Variants in NRG1 observed in about 807,000 individuals in gnomAD.
NRG1 encodes pro-neuregulin-1, membrane-bound isoform.
In NRG1, 18 loss-of-function variants were observed where a neutral mutation model predicts 63.8. That is an observed-to-expected ratio of 0.28 (90% CI 0.19 to 0.42). The LOEUF is 0.42. NRG1 is among the 10% of genes least tolerant of loss of function. NRG1 has a pLI of 1.00. For synonymous variants in NRG1, 302 were observed against 301.3 expected, an observed-to-expected ratio of 1.00 and a Z score of -0.02; for missense variants, 762 against 814.7, an observed-to-expected ratio of 0.94 and a Z score of 0.79.
intron 1 of NRG1, among the ~76,000 whole-genome samples, chr8:32,236,117 T>G (rs200167743): frequency 0.03 from 4,561 of 151,478 alleles, 81 homozygotes; most frequent in East Asian, 0.1. Context: ...ATTTTTTTGT[T>G]TTTGTGTGTG....
chr8:31,956,568 G>A (rs1355546948), intron 1 of NRG1, among the ~76,000 whole-genome samples: 1 of 152,158 alleles, frequency 6.6e-6, no homozygotes, highest in East Asian at 1.9e-4. Context: ...AGCTTGCAGT[G>A]AGCCGAGATC....
chr8:32,729,638 C>T (rs892154438), intron 6 of NRG1, among the ~76,000 whole-genome samples: 14 of 152,168 alleles, frequency 9.2e-5, no homozygotes, highest in Non-Finnish European at 1.9e-4. Context: ...CAGAAATAGT[C>T]AACAAAGCCA....
chr8:32,170,746 G>A (rs1196083862), intron 1 of NRG1, among the ~76,000 whole-genome samples: 2 of 152,230 alleles, frequency 1.3e-5, no homozygotes, highest in South Asian at 2.1e-4. Flanking sequence ...ATGATTTGGA[G>A]TATCTAGTCT....
intron 1 of NRG1, among the ~76,000 whole-genome samples, chr8:32,536,498 A>G (rs1200830478): frequency 2.6e-5 from 4 of 152,164 alleles, no homozygotes; most frequent in Non-Finnish European, 5.9e-5. Flanking sequence ...GATTAGCTCA[A>G]AGCCAACCGA....
At position 31,873,859 on chromosome 8, in the gene NRG1, C is replaced by T. The variant is rs541235956; in HGVS notation, c.37+234428C>T. 5.3e-5 allele frequency among the ~76,000 whole-genome samples: 8 copies of T among 152,312 alleles called. No homozygotes were observed. The East Asian group carries it at 1.2e-3, about 22-fold the overall frequency. ...ACATTTGAAACAATAGCACAGTCTA[C>T]CTATGTTAAAATGGTATTTCCATTT... is the stretch of plus-strand genomic sequence containing the variant. On this transcript the variant is annotated intron_variant, in intron 1 of 10. Transcript: ENST00000519301.
intron 1 of NRG1, among the ~76,000 whole-genome samples, chr8:31,897,372 T>A (rs747655579): frequency 2.6e-5 from 4 of 152,148 alleles, no homozygotes; most frequent in African/African-American, 4.8e-5. Flanking sequence ...CTGAATCTAG[T>A]ATAGTATCAC....
intron 1 of NRG1, among the ~76,000 whole-genome samples, chr8:31,821,578 C>G (rs143104053): frequency 1.3e-5 from 2 of 151,888 alleles, no homozygotes; most frequent in African/African-American, 4.8e-5. Context: ...ATTTTTGGAC[C>G]CTTAAGTTCT....
At chr8:32,085,974 G>A (rs1028308459) in intron 1 of NRG1, among the ~76,000 whole-genome samples, 2 of 152,172 alleles carry the variant, frequency 1.3e-5, no homozygotes, top group Non-Finnish European at 2.9e-5. Flanking sequence ...GTCATTCCAT[G>A]CACCGTGCTC....
At chr8:32,571,590 T>C (rs979056267) in intron 1 of NRG1, among the ~76,000 whole-genome samples, 9 of 152,188 alleles carry the variant, frequency 5.9e-5, no homozygotes, top group Admixed American at 3.3e-4. Context: ...GCTAGTTTTT[T>C]GTTTTGTTTT....
At chr8:32,021,449 C>T (rs1040679628) in intron 1 of NRG1, among the ~76,000 whole-genome samples, 6 of 152,084 alleles carry the variant, frequency 3.9e-5, no homozygotes, top group African/African-American at 9.7e-5. Context: ...TTTAGTCTTG[C>T]GAGAGTGAGA....
At chr8:31,750,577 C>T (rs1354778295) in intron 1 of NRG1, among the ~76,000 whole-genome samples, 1 of 151,806 alleles carries the variant, frequency 6.6e-6, no homozygotes, top group Non-Finnish European at 1.5e-5. Flanking sequence ...AGAACTAAGA[C>T]CTTTAGGATT....
At chr8:32,078,544 G>T (rs987098302) in intron 1 of NRG1, among the ~76,000 whole-genome samples, 7 of 152,168 alleles carry the variant, frequency 4.6e-5, no homozygotes, top group African/African-American at 1.4e-4. Flanking sequence ...GACCTGATTT[G>T]CTATAGGTAT....
At chr8:32,022,869 C>T (rs1249442710) in intron 1 of NRG1, among the ~76,000 whole-genome samples, 1 of 152,120 alleles carries the variant, frequency 6.6e-6, no homozygotes, top group Non-Finnish European at 1.5e-5. Flanking sequence ...GTGCTAAATG[C>T]TATTATCTCT....
At chr8:32,486,627 A>ATATTTTTTTTTT (rs33927678) in intron 1 of NRG1, among the ~76,000 whole-genome samples, 11 of 145,562 alleles carry the variant, frequency 7.6e-5, no homozygotes, top group African/African-American at 2.8e-4. Flanking sequence ...GAATTGCTGG[A>ATATTTTTTTTTT]TTTTTTTTTT....
At chr8:32,112,296 A>G (rs1406121830) in intron 1 of NRG1, among the ~76,000 whole-genome samples, 1 of 152,210 alleles carries the variant, frequency 6.6e-6, no homozygotes, top group South Asian at 2.1e-4. Context: ...GAAAATCAGA[A>G]TTATTCCAGA....
chr8:32,201,298 G>A (rs1843477504), intron 1 of NRG1, among the ~76,000 whole-genome samples: 1 of 152,122 alleles, frequency 6.6e-6, no homozygotes, highest in Admixed American at 6.6e-5. Flanking sequence ...GAAGTGTGAG[G>A]TCAATGCAGC....
At chr8:32,638,387 TA>T (rs1851730036) in intron 5 of NRG1, among the ~76,000 whole-genome samples, 1 of 152,206 alleles carries the variant, frequency 6.6e-6, no homozygotes, top group South Asian at 2.1e-4. Context: ...AAAAAAAATT[TA>T]AATCTAATTA....
rs558153761 is a variant in NRG1 at position 32,069,130 on chromosome 8, T to C, written c.37+429699T>C. Among the ~76,000 whole-genome samples the C allele has an allele frequency of 2.6e-5, 4 of 152,322 alleles. No homozygotes were observed. The East Asian group carries it at 5.8e-4, about 22-fold the overall frequency. On this transcript the variant is annotated intron_variant, in intron 1 of 10. Coordinates refer to the NRG1 transcript ENST00000519301. Reference sequence around the variant, plus strand: ...AGGGATGAACCGTCCTCAGGGTCTGTCTGCTCACAGGCAGGAGACTTATAC... The same window carrying C: ...AGGGATGAACCGTCCTCAGGGTCTGCCTGCTCACAGGCAGGAGACTTATAC...
At chr8:32,398,386 C>A (rs1206254378) in intron 1 of NRG1, among the ~76,000 whole-genome samples, 1 of 148,286 alleles carries the variant, frequency 6.7e-6, no homozygotes, top group East Asian at 2.1e-4. Flanking sequence ...CTCTGTTTAA[C>A]ATGTTACCTG....
Sources: allele counts gnomAD v4.1 joint callset (sites outside exome capture counted in the v4.1 genomes callset), GRCh38; gene constraint gnomAD v4.1.1; transcripts MANE v1.5; gene names NCBI Gene and HGNC (gene_info 2026-07-23, HGNC 2026-07-21).